Variants in CRPPA observed in about 807,000 individuals in gnomAD.
CRPPA encodes CDP-L-ribitol pyrophosphorylase A.
A neutral mutation model predicts 52.0 loss-of-function variants in CRPPA; 43 were observed. The ratio of observed to expected loss-of-function variants is 0.83; its 90% CI spans 0.65 to 1.07. The LOEUF (loss-of-function observed/expected upper bound fraction) is 1.07, where lower values mean the gene tolerates loss of function less well. Among genes scored for constraint, CRPPA ranks in the 50% least tolerant of loss-of-function variants. CRPPA has a pLI of 0.00. For missense variants in CRPPA, 629 were observed against 551.7 expected (o/e 1.14, Z -1.40); for synonymous variants, 250 against 203.5 (o/e 1.23, Z -1.94).
At chr7:16,260,993 A>T (rs1254748949) in intron 6 of CRPPA, among the ~76,000 whole-genome samples, 1 of 152,100 alleles carries the variant, frequency 6.6e-6, no homozygotes, top group Non-Finnish European at 1.5e-5. Flanking sequence ...AATGTGGGAA[A>T]GTTCTTTAAA....
chr7:16,145,101 T>A (rs1280291885), intron 9 of CRPPA, among the ~76,000 whole-genome samples: 1 of 152,204 alleles, frequency 6.6e-6, no homozygotes, highest in African/African-American at 2.4e-5. Flanking sequence ...ACCTCAGACC[T>A]GACTGCTGTC....
At chr7:16,357,262 G>A (rs914286461) in intron 3 of CRPPA, among the ~76,000 whole-genome samples, 1 of 151,976 alleles carries the variant, frequency 6.6e-6, no homozygotes, top group African/African-American at 2.4e-5. Context: ...CACTGCAACC[G>A]CCAACTCTCG....
At chr7:16,329,959 C>T (rs561088035) in intron 3 of CRPPA, among the ~76,000 whole-genome samples, 2 of 152,294 alleles carry the variant, frequency 1.3e-5, no homozygotes, top group South Asian at 4.1e-4. Context: ...ATAATCTTTC[C>T]TAAATTTATC....
rs1472725281 is a variant in CRPPA, at chr7:16,398,385, ATG to A, written c.534+7674_534+7675del. On this transcript the variant is annotated intron_variant, in intron 2 of 9. Coordinates refer to ENST00000407010, the MANE Select transcript of CRPPA (RefSeq NM_001101426.4). Reference sequence around the variant, plus strand: ...GAGGCAAGACCAGGGCATGATTGACATGTGACTGACACGTGACCAACATAAGT... The same window carrying A: ...GAGGCAAGACCAGGGCATGATTGACATGACTGACACGTGACCAACATAAGT... Among the ~76,000 whole-genome samples, 4 of 43,372 alleles carry A rather than the reference ATG, an allele frequency of 9.2e-5. No individual in the cohort carries two copies. In the East Asian group the frequency reaches 3.8e-3, roughly 41 times the overall value. The allele number at this position is 43,372 out of a possible 152,430, so 28.5% of individuals were successfully genotyped here. A position where few individuals can be genotyped will look rare whatever the true frequency, so the allele number is the denominator to read the frequency against.
intron 8 of CRPPA, among the ~76,000 whole-genome samples, chr7:16,253,530 T>C (rs1035385237): frequency 1.3e-5 from 2 of 152,220 alleles, no homozygotes; most frequent in African/African-American, 4.8e-5. Flanking sequence ...TCCAACTATA[T>C]GGTCAATTTT....
At chr7:16,185,958 C>T (rs764631884) in intron 9 of CRPPA, among the ~76,000 whole-genome samples, 10 of 152,172 alleles carry the variant, frequency 6.6e-5, no homozygotes, top group Non-Finnish European at 1.3e-4. Flanking sequence ...CATATTCACA[C>T]ATCTTAATGT....
chr7:16,401,112 C>T (rs972337180), intron 2 of CRPPA, among the ~76,000 whole-genome samples: 1 of 152,200 alleles, frequency 6.6e-6, no homozygotes, highest in African/African-American at 2.4e-5. Context: ...AGAGGCTGAG[C>T]TGGTTCAAAG....
chr7:16,223,852 G>A (rs904333773), intron 8 of CRPPA, among the ~76,000 whole-genome samples: 1 of 152,070 alleles, frequency 6.6e-6, no homozygotes, highest in African/African-American at 2.4e-5. Flanking sequence ...GAGTACTGCA[G>A]ATTTGCTTAT....
chr7:16,363,790 T>C (rs896955480), intron 3 of CRPPA, among the ~76,000 whole-genome samples: 1 of 152,144 alleles, frequency 6.6e-6, no homozygotes, highest in African/African-American at 2.4e-5. Flanking sequence ...AAATATGTCG[T>C]TATTGCAGAC....
chr7:16,200,496 T>C (rs1039113017), intron 9 of CRPPA, among the ~76,000 whole-genome samples: 2 of 152,224 alleles, frequency 1.3e-5, no homozygotes, highest in African/African-American at 4.8e-5. Flanking sequence ...TGCAAGGCAT[T>C]CACATCCTAC....
At chr7:16,155,449 C>T (rs1045460711) in intron 9 of CRPPA, among the ~76,000 whole-genome samples, 4 of 152,100 alleles carry the variant, frequency 2.6e-5, no homozygotes, top group Non-Finnish European at 5.9e-5. Context: ...CAAGTTACAC[C>T]GAGTGAACTC....
chr7:16,355,790 G>T (rs983544344), intron 3 of CRPPA, among the ~76,000 whole-genome samples: 1 of 152,158 alleles, frequency 6.6e-6, no homozygotes, highest in Non-Finnish European at 1.5e-5. Context: ...AGATAGCAGG[G>T]TGGCAAGGCA....
intron 8 of CRPPA, among the ~76,000 whole-genome samples, chr7:16,244,477 C>T (rs888265916): frequency 2.0e-5 from 3 of 152,066 alleles, no homozygotes; most frequent in Admixed American, 6.6e-5. Flanking sequence ...ATGACAGATA[C>T]CAGGGAATTC....
chr7:16,387,077 A>ACATATATATATG, intron 2 of CRPPA, among the ~76,000 whole-genome samples: 1 of 49,926 alleles, frequency 2.0e-5, no homozygotes, highest in South Asian at 9.1e-4. Flanking sequence ...ATATATATAT[A>ACATATATATATG]TATATATATA....
At chr7:16,196,703 TC>T (rs1758921704) in intron 9 of CRPPA, among the ~76,000 whole-genome samples, 1 of 152,090 alleles carries the variant, frequency 6.6e-6, no homozygotes, top group Non-Finnish European at 1.5e-5. Flanking sequence ...TCACTCATAG[TC>T]TAAAACAAAA....
chr7:16,151,187 A>C (rs1783070015), intron 9 of CRPPA, among the ~76,000 whole-genome samples: 1 of 152,174 alleles, frequency 6.6e-6, no homozygotes, highest in Non-Finnish European at 1.5e-5. Flanking sequence ...TCAATGACTA[A>C]ATGAGTCAAA....
intron 9 of CRPPA, among the ~76,000 whole-genome samples, chr7:16,130,014 A>C (rs1483642744): frequency 6.6e-6 from 1 of 152,116 alleles, no homozygotes; most frequent in Non-Finnish European, 1.5e-5. Flanking sequence ...TTTTTTAAAA[A>C]CTTGTTCCCA....
At chr7:16,106,124 C>T (rs1050531536) in intron 9 of CRPPA, among the ~76,000 whole-genome samples, 3 of 152,120 alleles carry the variant, frequency 2.0e-5, no homozygotes, top group African/African-American at 4.8e-5. Flanking sequence ...GGGTTCCACC[C>T]AGCCTAAAAG....
intron 9 of CRPPA, among the ~76,000 whole-genome samples, chr7:16,207,058 A>G (rs6961397): frequency 6.6e-6 from 1 of 152,170 alleles, no homozygotes; most frequent in African/African-American, 2.4e-5. Flanking sequence ...TCCTTTTATA[A>G]TCCCATTGTG....
Sources: gnomAD v4.1 joint callset for allele counts (sites outside exome capture counted in the v4.1 genomes callset) on GRCh38, gnomAD v4.1.1 for gene constraint, MANE v1.5 for transcripts, NCBI Gene and HGNC (gene_info 2026-07-23, HGNC 2026-07-21) for gene names.